DOP1B: variants seen among roughly 807,000 people sequenced by gnomAD.
DOP1B encodes DOP1 leucine zipper like protein B.
Under a neutral mutation model 233.5 loss-of-function variants are expected in DOP1B, and 174 were observed. That is an observed-to-expected ratio of 0.75 (90% CI 0.66 to 0.85). The LOEUF (loss-of-function observed/expected upper bound fraction) is 0.85, where lower values mean the gene tolerates loss of function less well. Ranked by LOEUF, DOP1B falls within the 40% of genes least tolerant of loss-of-function variation. DOP1B has a pLI of 0.00. For synonymous variants in DOP1B, 1,190 were observed against 1,185.6 expected, an observed-to-expected ratio of 1.00 and a Z score of -0.08; for missense variants, 2,652 against 2,846.6, an observed-to-expected ratio of 0.93 and a Z score of 1.56.
chr21:36,279,256 A>G (rs960986435), intron 30 of DOP1B, among the ~76,000 whole-genome samples: 3 of 152,038 alleles, frequency 2.0e-5, no homozygotes, highest in African/African-American at 7.2e-5. Flanking sequence ...ACAAAAAAAA[A>G]AAATCAAAAA....
At position 36,237,237 on chromosome 21, in the gene DOP1B, A is replaced by G. The variant is rs769900119; in HGVS notation, c.2623-25A>G. Reference sequence around the variant, plus strand: ...GTTGCCTGTGTTGACCTGGTCCCCCACCGCCTGCCTTTTCCTTGTCCCAGA... The same window carrying G: ...GTTGCCTGTGTTGACCTGGTCCCCCGCCGCCTGCCTTTTCCTTGTCCCAGA... On this transcript the variant is annotated intron_variant, in intron 15 of 36. Transcript: ENST00000691173. 5.6e-6 allele frequency: 9 copies of G among 1,613,896 alleles called. 1 individual carries two copies. In the South Asian group the frequency reaches 6.6e-5, roughly 12 times the overall value.
intron 27 of DOP1B, among the ~76,000 whole-genome samples, chr21:36,275,095 T>C (rs991788009): frequency 1.3e-5 from 2 of 152,084 alleles, no homozygotes; most frequent in African/African-American, 2.4e-5. Context: ...TCTGCCCGCC[T>C]TGGCCTCCCA....
chr21:36,212,157 C>T, intron 7 of DOP1B, 60 bp downstream of exon 7: 2 of 1,485,406 alleles, frequency 1.3e-6, no homozygotes, highest in Non-Finnish European at 1.8e-6. Context: ...TTAGTGCTGA[C>T]TTCTGGAATA....
At position 36,197,928 on chromosome 21, in the gene DOP1B, T is replaced by C. The variant is rs184697401; in HGVS notation, c.139-1142T>C. Among the ~76,000 whole-genome samples the C allele has an allele frequency of 4.9e-3, 737 of 151,480 alleles. 6 individuals are homozygous for C. The highest frequency in any genetic ancestry group is 0.016 in the African/African-American group (674 of 41,342). On this transcript the variant is annotated intron_variant, in intron 2 of 36. Transcript: ENST00000691173. ...CAGGAGGCTGAGGAAGGAGAATCGC[T>C]TGAACCCAGGAGGTACAGGAGGTGG...
chr21:36,261,039 A>G, intron 24 of DOP1B: 1 of 1,108,082 alleles, frequency 9.0e-7, no homozygotes. Flanking sequence ...AAAAAACCAC[A>G]TATAGGGAAG....
In DOP1B at chr21:36,245,205, C is replaced by T. The variant is rs139757436; in HGVS notation, c.3225C>T (p.Pro1075=). Residue 1075 remains proline (P), a synonymous_variant, in exon 19 of 37, where the codon CCC becomes CCT. Transcript: ENST00000691173. This position sits in a 1 kb window ranked among gnomAD's most constrained non-coding sequence, Gnocchi z 5.5. ...TTTGGGCCGAAGTGGAGAAGGAGCC[C>T]GAGAAGTACCCGCTGCGAGGCGAGC... The part of the protein sequence containing the change: ...EAIWAEVEKE[P]EKYPLRGELS... The T allele has an allele frequency of 7.2e-4, 1,164 of 1,613,894 alleles. 2 individuals carry two copies. The highest frequency in any genetic ancestry group is 9.1e-4 in the Non-Finnish European group (1,078 of 1,180,038).
chr21:36,265,171 G>T (rs1168838803), intron 26 of DOP1B, among the ~76,000 whole-genome samples: 3 of 152,160 alleles, frequency 2.0e-5, no homozygotes, highest in Middle Eastern at 3.2e-3. Flanking sequence ...CAAGGTGGGC[G>T]GATCACCTGA....
rs2066946587 is a variant in DOP1B, at chr21:36,245,414, G to A, written c.3434G>A (p.Cys1145Tyr). The A allele has an allele frequency of 6.2e-7, 1 of 1,613,942 alleles. No homozygotes were observed. Residue 1145 changes from cysteine to tyrosine, a missense_variant, in exon 19 of 37, where the codon TGT (cysteine) becomes TAT (tyrosine). Cys to Tyr is a radical substitution (Grantham distance 194, BLOSUM62 -2). This residue lies in a region of DOP1B where 2,617 missense variants were observed against 2,794.3 expected (regional missense o/e 0.94). Coordinates refer to ENST00000691173, the MANE Select transcript of DOP1B (RefSeq NM_001320714.2). The surrounding 1 kb of genome is among the most constrained non-coding windows in gnomAD (Gnocchi z 5.5). ...LQELSNEENC[C>Y]APIPMGGRAY... ...GAGCTGAGCAACGAAGAGAACTGCT[G>A]TGCACCCATCCCCATGGGGGGCAGG...
At chr21:36,293,229 T>C in intron 36 of DOP1B, 91 bp from the exon 37 acceptor site, 2 of 1,424,558 alleles carry the variant, frequency 1.4e-6, no homozygotes, top group Non-Finnish European at 1.9e-6. Context: ...AAGGACCTTA[T>C]TTCTTAGGTT....
chr21:36,269,544 G>A lies in DOP1B; in HGVS notation c.5488-469G>A, dbSNP rs536677099. Among the ~76,000 whole-genome samples the A allele has an allele frequency of 1.3e-4, 19 of 151,346 alleles. 3 individuals are homozygous for A. In the South Asian group the frequency reaches 4.0e-3, roughly 32 times the overall value. ...ACATTATTAATTTTTTTTTTGAAAC[G>A]AAGTCTCACTCTGTCATCCAGACTG... On this transcript the variant is annotated intron_variant, in intron 26 of 36. Coordinates refer to ENST00000691173, the MANE Select transcript of DOP1B (RefSeq NM_001320714.2).
chr21:36,195,475 A>G (rs533837700), intron 2 of DOP1B, among the ~76,000 whole-genome samples: 25 of 152,146 alleles, frequency 1.6e-4, no homozygotes, highest in African/African-American at 5.3e-4. Flanking sequence ...TAGAGGTTGC[A>G]GTGAGTTGCA....
intron 24 of DOP1B, chr21:36,261,391 A>G: frequency 1.0e-6 from 1 of 994,810 alleles, no homozygotes; most frequent in Non-Finnish European, 1.2e-6. Context: ...AAAAGGCAAA[A>G]TGATTGTTTC....
chr21:36,253,003 C>T (rs1160537387), intron 22 of DOP1B, among the ~76,000 whole-genome samples: 1 of 152,216 alleles, frequency 6.6e-6, no homozygotes, highest in Non-Finnish European at 1.5e-5. Flanking sequence ...ACATGGGCGC[C>T]TGTTCTCTGA....
intron 1 of DOP1B, among the ~76,000 whole-genome samples, chr21:36,158,545 C>T (rs1288051304): frequency 1.3e-5 from 2 of 152,188 alleles, no homozygotes. Flanking sequence ...GTGGCTCACA[C>T]CTGTAATCCC....
intron 2 of DOP1B, among the ~76,000 whole-genome samples, chr21:36,188,189 A>G (rs140935186): frequency 1.3e-5 from 2 of 152,308 alleles, no homozygotes; most frequent in African/African-American, 2.4e-5. Context: ...TGACTTAGGT[A>G]AATACAACAC....
chr21:36,219,528 C>T, intron 10 of DOP1B, 36 bp downstream of exon 10: 2 of 1,608,876 alleles, frequency 1.2e-6, no homozygotes, highest in Non-Finnish European at 1.7e-6. Context: ...GCATCTCTCT[C>T]CCTCCCCGGT....
intron 2 of DOP1B, among the ~76,000 whole-genome samples, chr21:36,177,343 T>C (rs1485953564): frequency 6.6e-6 from 1 of 152,144 alleles, no homozygotes; most frequent in East Asian, 1.9e-4. Flanking sequence ...GCATTTCTCT[T>C]TGCTGAAAAG....
At position 36,294,067 on chromosome 21, in the gene DOP1B, A is replaced by C. The variant is rs971100380; in HGVS notation, c.*496A>C. On this transcript the variant is annotated 3_prime_UTR_variant, in exon 37 of 37. Coordinates refer to ENST00000691173, the MANE Select transcript of DOP1B (RefSeq NM_001320714.2). ...ATGCCTTGTAATATATTTGAATCTG[A>C]TTCTGCATTTCTTCCTCAATTTATG... is the stretch of plus-strand genomic sequence containing the variant. The C allele has an allele frequency of 1.3e-5, 2 of 153,996 alleles. No homozygotes were observed. Among genetic ancestry groups the C allele is most frequent in the African/African-American group, 4.8e-5 (2 of 41,452 alleles). 9.5% of individuals were successfully genotyped at this position (153,996 alleles called of 1,614,324 possible).
chr21:36,169,510 C>G, intron 2 of DOP1B: 2 of 1,121,112 alleles, frequency 1.8e-6, no homozygotes, highest in Non-Finnish European at 2.7e-6. Flanking sequence ...AGCCTTTGCC[C>G]TTGGTCACCC....
Sources: allele counts gnomAD v4.1 joint callset (sites outside exome capture counted in the v4.1 genomes callset), GRCh38; gene constraint gnomAD v4.1.1; regional missense constraint gnomAD v4.1.1; non-coding constraint Gnocchi (gnomAD v3.1); transcripts MANE v1.5; gene names NCBI Gene and HGNC (gene_info 2026-07-23, HGNC 2026-07-21).